Variants in FRAS1 observed in about 807,000 individuals in gnomAD.
FRAS1 encodes the protein extracellular matrix organizing protein FRAS1.
A neutral mutation model predicts 435.2 loss-of-function variants in FRAS1; 290 were observed. The observed-to-expected ratio is 0.67, with a 90% CI of 0.61 to 0.73. The LOEUF (loss-of-function observed/expected upper bound fraction) is 0.73, where lower values mean the gene tolerates loss of function less well. Among genes scored for constraint, FRAS1 ranks in the 30% least tolerant of loss-of-function variants. The probability of loss-of-function intolerance (pLI) is 0.00; values close to 1 mark genes in which losing one functional copy is unlikely to be tolerated. For missense variants in FRAS1, 4,860 were observed against 5,001.5 expected (o/e 0.97, Z 0.85); for synonymous variants, 1,800 against 1,851.0 (o/e 0.97, Z 0.71).
intron 2 of FRAS1, among the ~76,000 whole-genome samples, chr4:78,164,344 T>TA (rs911709584): frequency 6.9e-4 from 104 of 151,710 alleles, no homozygotes; most frequent in Middle Eastern, 6.9e-3. Context: ...TTTGGAGTAA[T>TA]AAAAAAATGG....
rs781104224 is a variant in FRAS1 at position 78,333,368 on chromosome 4, C to T, written c.2234C>T (p.Ser745Phe). Residue 745 changes from serine to phenylalanine, a missense_variant, in exon 19 of 74, where the codon TCC (serine) becomes TTC (phenylalanine). By Grantham distance (155) the Ser-to-Phe change is radical (BLOSUM62 -2). Transcript: ENST00000512123. Reference sequence around the variant, plus strand: ...GTGCTGTTGGATGGGCAGTGCCTCTCCCAGTGCCCAGATGGCTACTTTCAC... The same window carrying T: ...GTGCTGTTGGATGGGCAGTGCCTCTTCCAGTGCCCAGATGGCTACTTTCAC... ...SHVLLDGQCL[S>F]QCPDGYFHQE... is the part of the protein sequence containing the mutation. 8.1e-6 allele frequency: 13 copies of T among 1,611,802 alleles called. No individual in the cohort carries two copies. The South Asian group carries it at 1.3e-4, about 16-fold the overall frequency.
Position 78,181,923 on chromosome 4 carries a change from C to T in FRAS1, c.109-55587C>T, listed in dbSNP as rs1315343857. On this transcript the variant is annotated intron_variant, in intron 2 of 73. Transcript: ENST00000512123. Reference sequence around the variant, plus strand: ...CCAGGGCCCCCAACGCCACCCCTGCCGGCTTCTTTTTTCTTGTTCTCCGCT... The same window carrying T: ...CCAGGGCCCCCAACGCCACCCCTGCTGGCTTCTTTTTTCTTGTTCTCCGCT... 31 of 1,609,184 alleles carry T rather than the reference C, an allele frequency of 1.9e-5. No homozygotes were observed. The Admixed American group carries it at 2.5e-4, about 13-fold the overall frequency.
chr4:78,380,743 G>A (rs192006020), intron 27 of FRAS1, among the ~76,000 whole-genome samples: 6 of 152,262 alleles, frequency 3.9e-5, no homozygotes, highest in Admixed American at 2.6e-4. Flanking sequence ...GAGTTGAAAC[G>A]CTGAAACAGT....
chr4:78,249,072 T>TATATGCATATATATATATGC (rs1553934058), intron 4 of FRAS1, among the ~76,000 whole-genome samples: 5 of 111,922 alleles, frequency 4.5e-5, no homozygotes, highest in African/African-American at 1.5e-4. Flanking sequence ...TGCATATATA[T>TATATGCATATATATATATGC]ATATATATAT....
chr4:78,420,879 C>CAT (rs72430754), intron 33 of FRAS1, among the ~76,000 whole-genome samples: 4,589 of 93,230 alleles, frequency 0.049, 86 homozygotes, highest in East Asian at 0.07. Flanking sequence ...ACTAATAGGA[C>CAT]ATATATATAT....
Position 78,334,363 on chromosome 4 carries a change from C to CTTTT in FRAS1, c.2278+974_2278+977dup, listed in dbSNP as rs1007481617. ...AAAACATAAAGTCATAACCAATTTT[C>CTTTT]TTTTTTTTTTTTTTTTTTTTTTTTT... On this transcript the variant is annotated intron_variant, in intron 19 of 73. Transcript: ENST00000512123. Among the ~76,000 whole-genome samples the CTTTT allele has an allele frequency of 2.7e-3, 253 of 92,304 alleles. 25 individuals carry two copies. The highest frequency in any genetic ancestry group is 9.8e-3 in the African/African-American group (217 of 22,150). 60.6% of individuals were successfully genotyped at this position (92,304 alleles called of 152,430 possible). A position where few individuals can be genotyped will look rare whatever the true frequency, so the allele number is the denominator to read the frequency against.
intron 18 of FRAS1, among the ~76,000 whole-genome samples, chr4:78,322,206 A>C (rs1729537676): frequency 6.6e-6 from 1 of 152,136 alleles, no homozygotes; most frequent in Non-Finnish European, 1.5e-5. Context: ...GTATCTCTGG[A>C]AACCTTTCTG....
chr4:78,386,551 A>G (rs1019016177), intron 28 of FRAS1, among the ~76,000 whole-genome samples: 1 of 152,202 alleles, frequency 6.6e-6, no homozygotes, highest in Non-Finnish European at 1.5e-5. Flanking sequence ...TTTAAAAGAA[A>G]GCCATTTGGA....
In FRAS1 at chr4:78,447,205, G is replaced by C. The variant is rs188891968; in HGVS notation, c.6010+325G>C. ...GTTCCCATATTGTCTTCTCAGGGTA[G>C]ACATCAGTGTTTAATAATCTTGAGC... On this transcript the variant is annotated intron_variant, in intron 43 of 73. Transcript: ENST00000512123. 4.2e-5 allele frequency among the ~76,000 whole-genome samples: 6 copies of C among 143,166 alleles called. No individual in the cohort carries two copies. In the Admixed American group the frequency reaches 4.3e-4, roughly 10 times the overall value. The allele number at this position is 143,166 out of a possible 152,430, so 93.9% of individuals were successfully genotyped here.
At chr4:78,229,726 T>G (rs1429929300) in intron 2 of FRAS1, among the ~76,000 whole-genome samples, 1 of 149,850 alleles carries the variant, frequency 6.7e-6, no homozygotes, top group Non-Finnish European at 1.5e-5. Flanking sequence ...AAAAAAAAAG[T>G]CAGGGTTTGA....
chr4:78,369,474 A>G (rs565261339), intron 22 of FRAS1, among the ~76,000 whole-genome samples: 8 of 152,198 alleles, frequency 5.3e-5, no homozygotes, highest in Admixed American at 3.9e-4. Context: ...AAAAACCTGA[A>G]TCTACATTAT....
At chr4:78,307,529 C>A (rs868012983) in intron 14 of FRAS1, among the ~76,000 whole-genome samples, 2 of 152,194 alleles carry the variant, frequency 1.3e-5, no homozygotes, top group South Asian at 2.1e-4. Flanking sequence ...TAGGACTCTC[C>A]GAGCCAGGTG....
chr4:78,479,150 TC>T (rs1719936941), intron 55 of FRAS1, among the ~76,000 whole-genome samples: 1 of 152,228 alleles, frequency 6.6e-6, no homozygotes, highest in Non-Finnish European at 1.5e-5. Flanking sequence ...GAATAGGAAA[TC>T]CATTTTGAGT....
chr4:78,264,801 T>C, intron 6 of FRAS1: 1 of 616,136 alleles, frequency 1.6e-6, no homozygotes, highest in East Asian at 3.0e-5. Flanking sequence ...GTTTTTAAAA[T>C]AAGACAGGAC....
At chr4:78,444,113 C>T (rs181767476) in intron 41 of FRAS1, 1 of 448,658 alleles carries the variant, frequency 2.2e-6, no homozygotes. Context: ...CCTTGGCCTC[C>T]CAAAGTGTTG....
chr4:78,152,828 A>G (rs1186124017), intron 2 of FRAS1, among the ~76,000 whole-genome samples: 1 of 152,098 alleles, frequency 6.6e-6, no homozygotes, highest in Non-Finnish European at 1.5e-5. Flanking sequence ...TGTCAGCAGT[A>G]ATGTATTGCA....
intron 2 of FRAS1, among the ~76,000 whole-genome samples, chr4:78,155,744 A>T (rs1001056874): frequency 1.3e-5 from 2 of 152,196 alleles, no homozygotes; most frequent in Non-Finnish European, 2.9e-5. Context: ...CTGAGCAAAC[A>T]TACCTGGCTT....
At chr4:78,303,512 T>G (rs1163992605) in intron 14 of FRAS1, among the ~76,000 whole-genome samples, 2 of 152,230 alleles carry the variant, frequency 1.3e-5, no homozygotes, top group Non-Finnish European at 2.9e-5. Context: ...CTTCCATTTG[T>G]TTGTATCCTC....
chr4:78,267,774 C>T (rs941270733), intron 9 of FRAS1, among the ~76,000 whole-genome samples: 7 of 152,234 alleles, frequency 4.6e-5, no homozygotes, highest in Non-Finnish European at 7.3e-5. Flanking sequence ...CAGTTCTCCC[C>T]GGCTGTGAAA....
Sources: allele counts gnomAD v4.1 joint callset (sites outside exome capture counted in the v4.1 genomes callset), GRCh38; gene constraint gnomAD v4.1.1; transcripts MANE v1.5; gene names NCBI Gene and HGNC (gene_info 2026-07-23, HGNC 2026-07-21).